The following MTA1 variants were observed in gnomAD, a reference collection of about 807,000 sequenced individuals.
MTA1 encodes the protein metastasis associated 1.
A neutral mutation model predicts 97.0 loss-of-function variants in MTA1; 15 were observed. The ratio of observed to expected loss-of-function variants is 0.15; its 90% CI spans 0.10 to 0.24. The LOEUF is 0.24. MTA1 is among the 10% of genes least tolerant of loss of function. The pLI is 1.00. For missense variants in MTA1, 709 were observed against 1,015.1 expected, an observed-to-expected ratio of 0.70 and a Z score of 4.10; for synonymous variants, 435 against 417.5, an observed-to-expected ratio of 1.04 and a Z score of -0.51.
intron 1 of MTA1, among the ~76,000 whole-genome samples, chr14:105,438,370 G>A (rs1555424886): frequency 1.3e-5 from 2 of 152,202 alleles, no homozygotes; most frequent in African/African-American, 4.8e-5. Context: ...AGAAGGGCCT[G>A]AGCCCTTGGG....
chr14:105,464,230 T>A, intron 13 of MTA1, 83 bp downstream of exon 13: 1 of 1,437,604 alleles, frequency 7.0e-7, no homozygotes, highest in Non-Finnish European at 9.5e-7. Context: ...GGCTCCAGCA[T>A]GGCCCAGCCT....
rs1555432332 is a variant in MTA1, at chr14:105,465,110, C to G, written c.1551C>G (p.Pro517=). The change falls in exon 16 of 21, where the codon CCC becomes CCG. Residue 517 remains proline (P), a synonymous_variant. Coordinates refer to ENST00000331320, the MANE Select transcript of MTA1 (RefSeq NM_004689.4). The stretch of plus-strand genomic sequence containing the variant: ...ACCCCGCAGGCACGGCGCGGCTGCC[C>G]GAAGCCTCCCAGAGCCCGCTGGTGC... ...AIKAECTARL[P]EASQSPLVLK... is the part of the protein sequence containing the mutation. 1 of 1,519,358 alleles carries G rather than the reference C, an allele frequency of 6.6e-7. No individual in the cohort carries two copies. The highest frequency in any genetic ancestry group is 1.4e-5 in the African/African-American group (1 of 72,526). The allele number at this position is 1,519,358 out of a possible 1,614,324, so 94.1% of individuals were successfully genotyped here. A position where few individuals can be genotyped will look rare whatever the true frequency, so the allele number is the denominator to read the frequency against.
chr14:105,454,021 C>A (rs1239573544), intron 6 of MTA1, among the ~76,000 whole-genome samples, 172 bp from the exon 7 acceptor site: 2 of 152,208 alleles, frequency 1.3e-5, no homozygotes, highest in Non-Finnish European at 2.9e-5. Flanking sequence ...TCCTCCCAGG[C>A]ATGGCCGGGA....
At chr14:105,445,069 C>T (rs1488332195) in intron 2 of MTA1, among the ~76,000 whole-genome samples, 1 of 152,152 alleles carries the variant, frequency 6.6e-6, no homozygotes, top group Admixed American at 6.5e-5. Flanking sequence ...GATAGCTGGG[C>T]GTGGCCTCCC....
chr14:105,455,557 TTTGTTTTGAG>T (rs2083114137), intron 7 of MTA1, among the ~76,000 whole-genome samples: 1 of 152,038 alleles, frequency 6.6e-6, no homozygotes, highest in African/African-American at 2.4e-5. Context: ...CCTGTTTTGG[TTTGTTTTGAG>T]AGCGGGTCTT....
Position 105,464,103 on chromosome 14 carries a change from C to T in MTA1, c.1148C>T (p.Pro383Leu), listed in dbSNP as rs373643813. The T allele has an allele frequency of 1.4e-5, 23 of 1,612,042 alleles. No individual in the cohort carries two copies. Among genetic ancestry groups the T allele is most frequent in the African/African-American group, 5.3e-5 (4 of 74,862 alleles). ...KAGVVNGTGA[P>L]GQSPGAGRAC... Reference sequence around the variant, plus strand: ...GGTGTGGTGAACGGCACGGGGGCGCCGGGCCAGAGCCCTGGGGCTGGCCGG... The same window carrying T: ...GGTGTGGTGAACGGCACGGGGGCGCTGGGCCAGAGCCCTGGGGCTGGCCGG... The change falls in exon 13 of 21, where the codon CCG becomes CTG. Residue 383 changes from proline (P) to leucine (L), a missense_variant. This residue lies in a region of MTA1 where 321 missense variants were observed against 593.5 expected (regional missense o/e 0.54). Transcript: ENST00000331320.
chr14:105,449,160 T>G, intron 3 of MTA1, 199 bp from the exon 4 acceptor site: 1 of 547,792 alleles, frequency 1.8e-6, no homozygotes, highest in Non-Finnish European at 3.2e-6. Context: ...TGGCACTGGG[T>G]GGATGGGCAG....
At position 105,464,806 on chromosome 14, in the gene MTA1, TGGCACGCTGCGC is replaced by T; in HGVS notation, c.1483_1494del (p.Ala495_His498del). On this transcript the variant is annotated inframe_deletion, in exon 15 of 21. Transcript: ENST00000331320. ...CCTGTGCCGTGAGATCCTGCGCCCG[TGGCACGCTGCGC>T]GGCACCCCTACCTGCCCATCAACAG... 1 of 1,604,148 alleles carries T rather than the reference TGGCACGCTGCGC, an allele frequency of 6.2e-7. No homozygotes were observed. Among genetic ancestry groups the T allele is most frequent in the Non-Finnish European group, 8.5e-7 (1 of 1,173,346 alleles).
At chr14:105,444,806 AAG>A (rs1555426670) in intron 2 of MTA1, among the ~76,000 whole-genome samples, 5 of 152,068 alleles carry the variant, frequency 3.3e-5, no homozygotes, top group Admixed American at 6.5e-5. Context: ...AAAAAAAAAA[AAG>A]AGTTATAAAT....
rs782486781 is a variant in MTA1, at chr14:105,466,738, T to C, written c.1809T>C (p.Ser603=). 1.3e-6 allele frequency: 2 copies of C among 1,590,210 alleles called. No individual in the cohort carries two copies. Among genetic ancestry groups the C allele is most frequent in the South Asian group, 2.3e-5 (2 of 87,500 alleles). ...TGAAGAAGCGCCTCTTGATGCCCAGTAGGGGTAAGGCCTGGAGCCGCGGGC... is the reference window on the plus strand; with the variant it reads ...TGAAGAAGCGCCTCTTGATGCCCAGCAGGGGTAAGGCCTGGAGCCGCGGGC... The part of the protein sequence containing the change: ...GNMKKRLLMP[S]RGLANHGQAR... The change falls in exon 18 of 21, where the codon AGT becomes AGC. Residue 603 remains serine (S), a synonymous_variant. Coordinates refer to ENST00000331320, the MANE Select transcript of MTA1 (RefSeq NM_004689.4).
chr14:105,458,825 A>G (rs1271383594), intron 8 of MTA1, among the ~76,000 whole-genome samples: 2 of 152,204 alleles, frequency 1.3e-5, no homozygotes, highest in African/African-American at 2.4e-5. Flanking sequence ...AGAAGCCCCA[A>G]GGCGGCTGCC....
rs782722721 is a variant in MTA1 at position 105,466,455 on chromosome 14, C to T, written c.1654C>T (p.Pro552Ser). The change falls in exon 17 of 21, where the codon CCC becomes TCC. Residue 552 changes from proline (P) to serine (S), a missense_variant. Pro to Ser is a moderately conservative substitution (Grantham distance 74, BLOSUM62 -1). Coordinates refer to ENST00000331320, the MANE Select transcript of MTA1 (RefSeq NM_004689.4). ...ETHPRPPKPD[P>S]VKSVSSVLSS... Reference sequence around the variant, plus strand: ...CCACCCCCGCCCCCCCAAGCCTGACCCCGTGAAAAGCGTGTCCAGCGTGCT... The same window carrying T: ...CCACCCCCGCCCCCCCAAGCCTGACTCCGTGAAAAGCGTGTCCAGCGTGCT... The T allele has an allele frequency of 1.3e-6, 2 of 1,584,244 alleles. No individual in the cohort carries two copies. The highest frequency in any genetic ancestry group is 3.4e-5 in the Admixed American group (2 of 58,956).
chr14:105,458,141 G>T, intron 7 of MTA1, 129 bp from the exon 8 acceptor site: 1 of 702,878 alleles, frequency 1.4e-6, no homozygotes. Flanking sequence ...TTGCACCCTG[G>T]CCTCACCTAT....
intron 2 of MTA1, among the ~76,000 whole-genome samples, chr14:105,440,373 G>C (rs1386975520): frequency 1.3e-5 from 2 of 152,262 alleles, no homozygotes; most frequent in Non-Finnish European, 2.9e-5. Flanking sequence ...GTGGAGGGGC[G>C]GCCGGCAGAT....
intron 8 of MTA1, 80 bp from the exon 9 acceptor site, chr14:105,460,277 TC>T: frequency 7.5e-7 from 1 of 1,337,948 alleles, no homozygotes; most frequent in Non-Finnish European, 1.0e-6. Flanking sequence ...TGGCCGCTGG[TC>T]CCTGGCGCCT....
chr14:105,463,935 TG>T lies in MTA1; in HGVS notation c.1077-95del. On this transcript the variant is annotated intron_variant, in intron 12 of 20. Transcript: ENST00000331320. The surrounding 1 kb of genome is among the most constrained non-coding windows in gnomAD (Gnocchi z 5.9). Reference sequence around the variant, plus strand: ...GCCGAGGGGTGCGAGGACGTGGTTCTGGACAAGGGGTGGTCAGCCGCGGTGC... The same window carrying T: ...GCCGAGGGGTGCGAGGACGTGGTTCTGACAAGGGGTGGTCAGCCGCGGTGC... 1 of 1,168,516 alleles carries T rather than the reference TG, an allele frequency of 8.6e-7. No individual in the cohort carries two copies. The highest frequency in any genetic ancestry group is 1.3e-6 in the Non-Finnish European group (1 of 782,702). The allele number at this position is 1,168,516 out of a possible 1,614,324, so 72.4% of individuals were successfully genotyped here.
At chr14:105,466,275 T>TCCAGC in intron 16 of MTA1, 151 bp from the exon 17 acceptor site, 1 of 688,498 alleles carries the variant, frequency 1.5e-6, no homozygotes, top group Non-Finnish European at 2.5e-6. Flanking sequence ...CCTCCCCACT[T>TCCAGC]CCAGCCCAGT....
chr14:105,425,832 C>T (rs1366237172), intron 1 of MTA1, among the ~76,000 whole-genome samples: 1 of 152,032 alleles, frequency 6.6e-6, no homozygotes, highest in African/African-American at 2.4e-5. Context: ...CCCCACCCGC[C>T]CCACCAATGT....
intron 1 of MTA1, among the ~76,000 whole-genome samples, chr14:105,431,704 C>A (rs1345650069): frequency 1.3e-5 from 2 of 152,200 alleles, no homozygotes; most frequent in Non-Finnish European, 2.9e-5. Context: ...CGGCTCACTA[C>A]AACCTCTGCC....
Sources: gnomAD v4.1 joint callset for allele counts (sites outside exome capture counted in the v4.1 genomes callset) on GRCh38, gnomAD v4.1.1 for gene constraint, gnomAD v4.1.1 regional missense constraint, Gnocchi (gnomAD v3.1) non-coding constraint, MANE v1.5 for transcripts, NCBI Gene and HGNC (gene_info 2026-07-23, HGNC 2026-07-21) for gene names.